The following LRP1B variants were observed in gnomAD, a reference collection of about 807,000 sequenced individuals.
LRP1B encodes LDL receptor related protein 1B.
LRP1B carries 217 observed loss-of-function variants against 556.6 expected under a neutral mutation model. That is an observed-to-expected ratio of 0.39 (90% CI 0.35 to 0.44). The LOEUF (loss-of-function observed/expected upper bound fraction) is 0.44, where lower values mean the gene tolerates loss of function less well. Among genes scored for constraint, LRP1B ranks in the 20% least tolerant of loss-of-function variants. The probability of loss-of-function intolerance (pLI) is 1.00; values close to 1 mark genes in which losing one functional copy is unlikely to be tolerated. For synonymous variants in LRP1B, 2,047 were observed against 1,865.8 expected, an observed-to-expected ratio of 1.10 and a Z score of -2.50; for missense variants, 5,053 against 5,620.8, an observed-to-expected ratio of 0.90 and a Z score of 3.23.
chr2:141,353,856 T>A (rs1027711889), intron 3 of LRP1B, among the ~76,000 whole-genome samples: 1 of 151,990 alleles, frequency 6.6e-6, no homozygotes. Context: ...ATCCTAAACA[T>A]TGAGAATTCT....
intron 71 of LRP1B, among the ~76,000 whole-genome samples, chr2:140,369,933 G>A (rs896119297): frequency 2.0e-5 from 3 of 151,890 alleles, no homozygotes; most frequent in Non-Finnish European, 4.4e-5. Flanking sequence ...AAAATCTATT[G>A]AGAGACTTTG....
intron 3 of LRP1B, among the ~76,000 whole-genome samples, chr2:141,267,585 A>G (rs1367113239): frequency 1.3e-5 from 2 of 152,172 alleles, no homozygotes; most frequent in Admixed American, 6.5e-5. Context: ...TATTAATAAT[A>G]AAATAACCAA....
chr2:140,767,121 C>T (rs1313226254), intron 35 of LRP1B, among the ~76,000 whole-genome samples: 1 of 151,658 alleles, frequency 6.6e-6, no homozygotes, highest in Non-Finnish European at 1.5e-5. Context: ...CTGGTTTCTT[C>T]CAACTATGTT....
At chr2:140,808,944 C>G (rs403096) in intron 32 of LRP1B, among the ~76,000 whole-genome samples, 3 of 152,110 alleles carry the variant, frequency 2.0e-5, no homozygotes, top group Non-Finnish European at 4.4e-5. Context: ...TTATTCTCCT[C>G]TGTATACTAT....
intron 3 of LRP1B, among the ~76,000 whole-genome samples, chr2:141,301,886 T>C (rs1198631572): frequency 6.6e-6 from 1 of 152,146 alleles, no homozygotes; most frequent in Non-Finnish European, 1.5e-5. Context: ...AAACAGACCA[T>C]TGTGGGTGAA....
chr2:141,033,624 G>A (rs564898161), intron 11 of LRP1B, among the ~76,000 whole-genome samples: 1 of 152,088 alleles, frequency 6.6e-6, no homozygotes, highest in Non-Finnish European at 1.5e-5. Flanking sequence ...GAGGTAATTA[G>A]GCTTAGATGA....
intron 2 of LRP1B, among the ~76,000 whole-genome samples, chr2:141,587,249 G>T (rs1358859659): frequency 6.6e-6 from 1 of 152,146 alleles, no homozygotes; most frequent in African/African-American, 2.4e-5. Context: ...TGTATAGATA[G>T]TGAAGAATTT....
At position 140,483,996 on chromosome 2, in the gene LRP1B, A is replaced by T. The variant is rs145291321; in HGVS notation, c.9425+1347T>A. 1.2e-4 allele frequency among the ~76,000 whole-genome samples: 19 copies of T among 152,270 alleles called. No homozygotes were observed. In the East Asian group the frequency reaches 2.1e-3, roughly 17 times the overall value. ...ATATCCAAGAAATTGAAATATTCAC[A>T]TAATTAAGAATGAATAGATGATAGC... On this transcript the variant is annotated intron_variant, in intron 59 of 90. Transcript: ENST00000389484.
intron 21 of LRP1B, among the ~76,000 whole-genome samples, chr2:140,912,196 C>T (rs1445924758): frequency 6.6e-6 from 1 of 151,636 alleles, no homozygotes; most frequent in Non-Finnish European, 1.5e-5. Context: ...TAATGAATGT[C>T]TAACTCATGC....
At chr2:140,393,467 A>T (rs1684114754) in intron 66 of LRP1B, among the ~76,000 whole-genome samples, 1 of 151,960 alleles carries the variant, frequency 6.6e-6, no homozygotes. Context: ...GTTTGAAAAT[A>T]TAATGCATAA....
At chr2:140,777,963 A>AG (rs1689556520) in intron 32 of LRP1B, among the ~76,000 whole-genome samples, 3 of 152,282 alleles carry the variant, frequency 2.0e-5, no homozygotes, top group African/African-American at 7.2e-5. Context: ...TTGAAAGCCC[A>AG]GTAGCATTAA....
intron 2 of LRP1B, among the ~76,000 whole-genome samples, chr2:141,585,677 T>G (rs2105286404): frequency 6.6e-6 from 1 of 152,174 alleles, no homozygotes; most frequent in Admixed American, 6.5e-5. Context: ...GATAAAATAA[T>G]TTAACTGGAA....
intron 35 of LRP1B, among the ~76,000 whole-genome samples, chr2:140,738,817 C>T (rs1419201947): frequency 6.6e-6 from 1 of 152,142 alleles, no homozygotes; most frequent in Non-Finnish European, 1.5e-5. Context: ...TGTGGATGAG[C>T]CAAGTATAGA....
At chr2:141,075,029 A>C (rs1699751396) in intron 7 of LRP1B, among the ~76,000 whole-genome samples, 1 of 152,038 alleles carries the variant, frequency 6.6e-6, no homozygotes, top group Non-Finnish European at 1.5e-5. Context: ...CTATAACAGA[A>C]CTCGGATGTA....
chr2:140,738,317 G>A (rs992493940), intron 35 of LRP1B, among the ~76,000 whole-genome samples: 3 of 152,052 alleles, frequency 2.0e-5, no homozygotes, highest in African/African-American at 7.2e-5. Flanking sequence ...TTCCTCATGG[G>A]GCAGGTGGTC....
chr2:140,762,708 T>A (rs35106220), intron 35 of LRP1B, among the ~76,000 whole-genome samples: 5,900 of 152,224 alleles, frequency 0.039, 146 homozygotes, highest in Non-Finnish European at 0.062. Flanking sequence ...AAATTAAAGA[T>A]CCATTGCTTA....
rs115818658 is a variant in LRP1B at position 141,136,496 on chromosome 2, A to C, written c.1013+51925T>G. Among the ~76,000 whole-genome samples the C allele has an allele frequency of 3.6e-3, 553 of 151,858 alleles. 6 individuals are homozygous for C. The highest frequency in any genetic ancestry group is 0.013 in the African/African-American group (523 of 41,504). The stretch of plus-strand genomic sequence containing the variant: ...AAGACAGTTTTATTTATCTAAAGGC[A>C]AGGGACTTTAAATTTTATTTCCTTT... On this transcript the variant is annotated intron_variant, in intron 7 of 90. Transcript: ENST00000389484.
chr2:142,015,673 T>C (rs1379125400), intron 1 of LRP1B, among the ~76,000 whole-genome samples: 1 of 151,882 alleles, frequency 6.6e-6, no homozygotes, highest in East Asian at 1.9e-4. Context: ...TAAACAAATT[T>C]ACAAGAAAAA....
At chr2:140,736,282 A>G (rs1486441745) in intron 35 of LRP1B, among the ~76,000 whole-genome samples, 1 of 152,170 alleles carries the variant, frequency 6.6e-6, no homozygotes, top group Non-Finnish European at 1.5e-5. Flanking sequence ...TAGGGGAATC[A>G]GCATCACCAA....
Sources: gnomAD v4.1 joint callset for allele counts (sites outside exome capture counted in the v4.1 genomes callset) on GRCh38, gnomAD v4.1.1 for gene constraint, MANE v1.5 for transcripts, NCBI Gene and HGNC (gene_info 2026-07-23, HGNC 2026-07-21) for gene names.